Variants in CNIH3 observed in about 807,000 individuals in gnomAD.
CNIH3 encodes cornichon family AMPA receptor auxiliary protein 3, also known as protein cornichon homolog 3.
CNIH3 carries 14 observed loss-of-function variants against 24.1 expected under a neutral mutation model. The observed-to-expected ratio is 0.58, with a 90% CI of 0.38 to 0.91. The LOEUF (loss-of-function observed/expected upper bound fraction) is 0.91. Ranked by LOEUF, CNIH3 falls within the 40% of genes least tolerant of loss-of-function variation. The pLI is 0.00. For missense variants in CNIH3, 178 were observed against 196.8 expected (o/e 0.90, Z 0.57); for synonymous variants, 68 against 73.8 (o/e 0.92, Z 0.40).
intron 1 of CNIH3, among the ~76,000 whole-genome samples, chr1:224,650,686 G>A (rs1432495746): frequency 6.6e-6 from 1 of 152,160 alleles, no homozygotes. Flanking sequence ...TTGGCATGCT[G>A]TTCATAAACG....
intron 1 of CNIH3, among the ~76,000 whole-genome samples, chr1:224,667,765 A>AC (rs1454544990): frequency 2.6e-5 from 4 of 151,870 alleles, no homozygotes; most frequent in Admixed American, 6.6e-5. Flanking sequence ...AAAAAAAAAA[A>AC]AACCCATGAC....
At chr1:224,607,158 C>A (rs930321507) in intron 3 of CNIH3, among the ~76,000 whole-genome samples, 6 of 152,166 alleles carry the variant, frequency 3.9e-5, no homozygotes, top group South Asian at 2.1e-4. Flanking sequence ...GAATTAAGTC[C>A]CTGTGCTTCC....
intron 1 of CNIH3, among the ~76,000 whole-genome samples, chr1:224,491,699 G>A (rs1309844670): frequency 2.0e-5 from 3 of 151,836 alleles, no homozygotes; most frequent in African/African-American, 7.3e-5. Context: ...TCTGCCTCCC[G>A]GGTTCAAGCA....
intron 4 of CNIH3, among the ~76,000 whole-genome samples, chr1:224,580,030 C>A (rs1317242910): frequency 6.6e-6 from 1 of 152,150 alleles, no homozygotes; most frequent in East Asian, 1.9e-4. Context: ...AAATCTTCAA[C>A]AGATTCCTTG....
intron 4 of CNIH3, among the ~76,000 whole-genome samples, chr1:224,572,615 G>T (rs1680868119): frequency 6.7e-6 from 1 of 148,686 alleles, no homozygotes. Context: ...ATCCCTTGAT[G>T]AATTTTAGGA....
At chr1:224,689,308 G>A (rs1321135840) in intron 3 of CNIH3, among the ~76,000 whole-genome samples, 1 of 152,208 alleles carries the variant, frequency 6.6e-6, no homozygotes, top group African/African-American at 2.4e-5. Flanking sequence ...GCTCATAAGT[G>A]TGCAATGCAT....
At chr1:224,451,054 C>T (rs1284320385) in intron 1 of CNIH3, among the ~76,000 whole-genome samples, 1 of 152,168 alleles carries the variant, frequency 6.6e-6, no homozygotes, top group East Asian at 1.9e-4. Context: ...AAACAAGATG[C>T]CATGTCTAAA....
intron 1 of CNIH3, among the ~76,000 whole-genome samples, chr1:224,673,088 G>A (rs7521221): frequency 0.17 from 26,461 of 152,084 alleles, 2,468 homozygotes; most frequent in African/African-American, 0.23. Flanking sequence ...TGCTCAGAAC[G>A]GACTTGAAAA....
At chr1:224,737,261 G>T (rs1057237254) in intron 5 of CNIH3, among the ~76,000 whole-genome samples, 1 of 152,096 alleles carries the variant, frequency 6.6e-6, no homozygotes, top group Admixed American at 6.5e-5. Flanking sequence ...AGCTCCTCTC[G>T]GTTAGATGGG....
chr1:224,516,834 G>C (rs945074360), intron 1 of CNIH3, among the ~76,000 whole-genome samples: 1 of 151,756 alleles, frequency 6.6e-6, no homozygotes, highest in Non-Finnish European at 1.5e-5. Flanking sequence ...CTGTCTCTAC[G>C]CAGTGCTAAG....
chr1:224,619,507 C>T (rs1007933768), intron 1 of CNIH3, among the ~76,000 whole-genome samples: 15 of 152,094 alleles, frequency 9.9e-5, no homozygotes, highest in African/African-American at 2.7e-4. Context: ...TAGTCTTTTC[C>T]TTCTCTATCC....
intron 1 of CNIH3, among the ~76,000 whole-genome samples, chr1:224,463,650 G>A (rs1003383664): frequency 2.6e-5 from 4 of 151,100 alleles, no homozygotes; most frequent in East Asian, 2.0e-4. Flanking sequence ...CAGATGATCC[G>A]CCTGCCTCAG....
intron 1 of CNIH3, among the ~76,000 whole-genome samples, chr1:224,647,790 A>G (rs1684683547): frequency 6.6e-6 from 1 of 151,970 alleles, no homozygotes; most frequent in Non-Finnish European, 1.5e-5. Flanking sequence ...TGTGGTTCCC[A>G]GATCAGCATA....
At chr1:224,624,314 C>T (rs150722138) in intron 1 of CNIH3, among the ~76,000 whole-genome samples, 1 of 152,292 alleles carries the variant, frequency 6.6e-6, no homozygotes, top group East Asian at 1.9e-4. Flanking sequence ...TGTTTCTCCT[C>T]CATCTCCCCT....
rs533738839 is a variant in CNIH3 at position 224,616,936 on chromosome 1, T to A, written c.-239T>A. ...TTTGCGGACGGTTCCCTCCAGCGACTCTCGACACACGTTTTCCTGTCTTCG... is the reference window on the plus strand; with the variant it reads ...TTTGCGGACGGTTCCCTCCAGCGACACTCGACACACGTTTTCCTGTCTTCG... On this transcript the variant is annotated 5_prime_UTR_variant, in exon 1 of 6. Transcript: ENST00000272133. 2.9e-6 allele frequency: 4 copies of A among 1,360,884 alleles called. No homozygotes were observed. In the African/African-American group the frequency reaches 5.9e-5, roughly 20 times the overall value. The allele number at this position is 1,360,884 out of a possible 1,614,324, so 84.3% of individuals were successfully genotyped here. A position where few individuals can be genotyped will look rare whatever the true frequency, so the allele number is the denominator to read the frequency against.
At chr1:224,547,274 C>T (rs1050050438) in intron 3 of CNIH3, among the ~76,000 whole-genome samples, 9 of 151,442 alleles carry the variant, frequency 5.9e-5, no homozygotes, top group African/African-American at 1.5e-4. Context: ...TCATAATATC[C>T]GAAAGGAGAT....
At chr1:224,515,080 A>G (rs1678325434), upstream of CNIH3, among the ~76,000 whole-genome samples, 1 of 152,204 alleles carries the variant, frequency 6.6e-6, no homozygotes, top group South Asian at 2.1e-4. Context: ...ATGATCTTTG[A>G]CAAAGTTTTA....
intron 1 of CNIH3, among the ~76,000 whole-genome samples, chr1:224,623,208 T>A (rs1408943442): frequency 6.6e-6 from 1 of 152,116 alleles, no homozygotes; most frequent in Non-Finnish European, 1.5e-5. Flanking sequence ...CTCTTGGCCC[T>A]CCTTTGACTG....
intron 1 of CNIH3, 22 bp downstream of exon 1, chr1:224,617,277 CTCT>C: frequency 6.2e-7 from 1 of 1,609,998 alleles, no homozygotes; most frequent in Non-Finnish European, 8.5e-7. Context: ...GCTTTGGTCT[CTCT>C]TCTTTCGCCC....
Sources: gnomAD v4.1 joint callset for allele counts (sites outside exome capture counted in the v4.1 genomes callset) on GRCh38, gnomAD v4.1.1 for gene constraint, MANE v1.5 for transcripts, NCBI Gene and HGNC (gene_info 2026-07-23, HGNC 2026-07-21) for gene names.